The following TLE1 variants were observed in gnomAD, a reference collection of about 807,000 sequenced individuals.
The protein encoded by TLE1 is transducin-like enhancer protein 1.
Under a neutral mutation model 89.8 loss-of-function variants are expected in TLE1, and 21 were observed. The observed-to-expected ratio is 0.23, with a 90% CI of 0.17 to 0.34. The LOEUF is 0.34. Among genes scored for constraint, TLE1 ranks in the 10% least tolerant of loss-of-function variants. The probability of loss-of-function intolerance (pLI) is 1.00; values close to 1 mark genes in which losing one functional copy is unlikely to be tolerated. For synonymous variants in TLE1, 447 were observed against 407.6 expected, an observed-to-expected ratio of 1.10 and a Z score of -1.16; for missense variants, 795 against 1,031.2, an observed-to-expected ratio of 0.77 and a Z score of 3.14.
intron 11 of TLE1, among the ~76,000 whole-genome samples, chr9:81,613,953 G>A (rs2132088779): frequency 7.2e-6 from 1 of 139,648 alleles, no homozygotes; most frequent in Admixed American, 7.9e-5. Context: ...TGTCACCCAA[G>A]CTGGAGTGCA....
At chr9:81,643,372 G>C (rs993304055) in intron 6 of TLE1, among the ~76,000 whole-genome samples, 2 of 151,980 alleles carry the variant, frequency 1.3e-5, no homozygotes, top group Admixed American at 6.6e-5. Flanking sequence ...GAGTAGCTGG[G>C]GTTACAGGCA....
chr9:81,593,335 T>C, intron 14 of TLE1, 61 bp from the exon 15 acceptor site: 1 of 1,530,186 alleles, frequency 6.5e-7, no homozygotes, highest in Non-Finnish European at 8.9e-7. Context: ...GCAATCCCTA[T>C]CTCGGCAATG....
At chr9:81,648,792 C>A (rs1829185749) in intron 6 of TLE1, among the ~76,000 whole-genome samples, 1 of 152,052 alleles carries the variant, frequency 6.6e-6, no homozygotes, top group Admixed American at 6.6e-5. Flanking sequence ...TTGTTTTGAT[C>A]ATTCTTAATA....
intron 8 of TLE1, among the ~76,000 whole-genome samples, chr9:81,629,732 T>C (rs1826339259): frequency 6.6e-6 from 1 of 152,180 alleles, no homozygotes; most frequent in East Asian, 1.9e-4. Context: ...CTGTCCTGAA[T>C]ATTACAGGCA....
intron 16 of TLE1, among the ~76,000 whole-genome samples, chr9:81,590,307 AC>A (rs1829300906): frequency 6.6e-6 from 1 of 152,158 alleles, no homozygotes; most frequent in Non-Finnish European, 1.5e-5. Flanking sequence ...GGGTGGAACC[AC>A]CCCTGGGCAG....
At chr9:81,613,011 T>C (rs1453185245) in intron 12 of TLE1, among the ~76,000 whole-genome samples, 3 of 151,884 alleles carry the variant, frequency 2.0e-5, no homozygotes, top group African/African-American at 7.3e-5. Context: ...TGAGCTGAGA[T>C]CCCGCCATTG....
At chr9:81,636,377 T>G (rs765995052) in intron 6 of TLE1, among the ~76,000 whole-genome samples, 2 of 139,714 alleles carry the variant, frequency 1.4e-5, no homozygotes, top group Non-Finnish European at 3.0e-5. Context: ...TGGAGAAGGA[T>G]GAGGAACAGG....
chr9:81,604,805 G>A (rs570085744), intron 14 of TLE1, among the ~76,000 whole-genome samples: 3 of 152,168 alleles, frequency 2.0e-5, no homozygotes, highest in Admixed American at 6.5e-5. Flanking sequence ...CTCTGTGCAC[G>A]ACACAGACTG....
At position 81,593,099 on chromosome 9, in the gene TLE1, C is replaced by T. The variant is rs1485917444; in HGVS notation, c.1507G>A (p.Gly503Arg). The change falls in exon 15 of 20, where the codon GGG (glycine) becomes AGG (arginine). Residue 503 changes from glycine to arginine, a missense_variant. Around this residue, in one of 4 missense-constraint regions of TLE1, gnomAD observed 214 missense variants for 354.9 expected, o/e 0.60. Coordinates refer to ENST00000376499, the MANE Select transcript of TLE1 (RefSeq NM_005077.5). ...TCCCAGACCTTGACGCAGCCCTTCC[C>T]GCCTGTGTACACGTGTCTCGTGGGG... ...SNPTRHVYTG[G>R]KGCVKVWDIS... is the part of the protein sequence containing the mutation. The T allele has an allele frequency of 6.2e-7, 1 of 1,614,030 alleles. No individual in the cohort carries two copies. Among genetic ancestry groups the T allele is most frequent in the African/African-American group, 1.3e-5 (1 of 74,906 alleles).
chr9:81,593,384 C>A (rs1268213932), intron 14 of TLE1, 110 bp from the exon 15 acceptor site: 4 of 1,368,448 alleles, frequency 2.9e-6, no homozygotes, highest in Non-Finnish European at 2.9e-6. Flanking sequence ...AGGAAAGATT[C>A]TCTTGTATAG....
intron 16 of TLE1, among the ~76,000 whole-genome samples, chr9:81,589,455 T>C (rs1389344872): frequency 1.3e-5 from 2 of 152,186 alleles, no homozygotes; most frequent in Non-Finnish European, 2.9e-5. Context: ...ACTAGCCACC[T>C]GTGAGTGGTC....
chr9:81,658,291 A>G (rs780090020), intron 4 of TLE1, among the ~76,000 whole-genome samples: 26 of 152,284 alleles, frequency 1.7e-4, no homozygotes, highest in Admixed American at 3.9e-4. Flanking sequence ...ACCCACAGAT[A>G]CAAAGGGCCG....
chr9:81,646,612 T>C (rs866213198), intron 6 of TLE1, among the ~76,000 whole-genome samples: 5 of 152,192 alleles, frequency 3.3e-5, no homozygotes, highest in Admixed American at 6.5e-5. Context: ...TACAATCCCA[T>C]AGATAGCTGA....
At chr9:81,656,016 T>C (rs376267304) in intron 4 of TLE1, among the ~76,000 whole-genome samples, 289 of 152,284 alleles carry the variant, frequency 1.9e-3, no homozygotes, top group African/African-American at 6.8e-3. Context: ...CAATTCTCCC[T>C]GACCACCAAT....
chr9:81,639,666 T>A (rs530414088), intron 6 of TLE1, among the ~76,000 whole-genome samples: 4 of 137,258 alleles, frequency 2.9e-5, no homozygotes, highest in African/African-American at 8.1e-5. Context: ...CACTGCAACC[T>A]CCACCTCCCG....
chr9:81,654,553 G>C (rs926133518), intron 4 of TLE1, among the ~76,000 whole-genome samples: 1 of 152,180 alleles, frequency 6.6e-6, no homozygotes, highest in African/African-American at 2.4e-5. Context: ...GTGTTAGCCA[G>C]GATGGTCTCG....
At chr9:81,687,187 G>T (rs542187413) in intron 2 of TLE1, 147 bp downstream of exon 2, 2 of 609,796 alleles carry the variant, frequency 3.3e-6, no homozygotes, top group Non-Finnish European at 5.8e-6. Context: ...CCAGGAAAGG[G>T]GGTAACTTGA....
rs921814112 is a variant in TLE1, at chr9:81,660,406, TTTTTA to T, written c.235-6375_235-6371del. Among the ~76,000 whole-genome samples the T allele has an allele frequency of 9.9e-5, 15 of 152,124 alleles. No individual in the cohort carries two copies. In the East Asian group the frequency reaches 1.2e-3, roughly 12 times the overall value. Reference sequence around the variant, plus strand: ...ATTCATGTACATGTATGGTTTTATTTTTTTATTTTATTATTATTATTTTTTGAGAC... The same window carrying T: ...ATTCATGTACATGTATGGTTTTATTTTTTTATTATTATTATTTTTTGAGAC... On this transcript the variant is annotated intron_variant, in intron 4 of 19. Transcript: ENST00000376499.
At chr9:81,616,764 T>TTTCTTTCTA in intron 9 of TLE1, 65 bp from the exon 10 acceptor site, 3 of 1,582,892 alleles carry the variant, frequency 1.9e-6, no homozygotes, top group Non-Finnish European at 2.6e-6. Flanking sequence ...CACAGTTAGA[T>TTTCTTTCTA]TTCTTTCTAT....
Sources: gnomAD v4.1 joint callset for allele counts (sites outside exome capture counted in the v4.1 genomes callset) on GRCh38, gnomAD v4.1.1 for gene constraint, gnomAD v4.1.1 regional missense constraint, MANE v1.5 for transcripts, NCBI Gene and HGNC (gene_info 2026-07-23, HGNC 2026-07-21) for gene names.